The following TPR variants were observed in gnomAD, a reference collection of about 807,000 sequenced individuals.
TPR encodes translocated promoter region, nuclear basket protein.
In TPR, 51 loss-of-function variants were observed where a neutral mutation model predicts 316.1. The ratio of observed to expected loss-of-function variants is 0.16; its 90% CI spans 0.13 to 0.20. The LOEUF (loss-of-function observed/expected upper bound fraction) is 0.20, where lower values mean the gene tolerates loss of function less well. TPR is among the 10% of genes least tolerant of loss of function. The pLI, the probability that TPR is intolerant of heterozygous loss-of-function variation, is 1.00. For synonymous variants in TPR, 981 were observed against 914.7 expected, an observed-to-expected ratio of 1.07 and a Z score of -1.31; for missense variants, 2,272 against 2,754.8, an observed-to-expected ratio of 0.82 and a Z score of 3.92.
chr1:186,355,678 A>G lies in TPR; in HGVS notation c.1979T>C (p.Ile660Thr), dbSNP rs145363119. Residue 660 changes from isoleucine (I) to threonine (T), a missense_variant, in exon 16 of 51, where the codon ATT becomes ACT. This residue lies in a region of TPR where 757 missense variants were observed against 859.8 expected (regional missense o/e 0.88). Transcript: ENST00000367478. ...TVSTPAPVPV[I>T]ESTEAIEAKA... The stretch of plus-strand genomic sequence containing the variant: ...AGCCTCTATAGCCTCTGTTGATTCA[A>G]TAACAGGTACTGGAGCAGGAGTGGA... 1.8e-3 allele frequency: 2,892 copies of G among 1,614,138 alleles called. 19 individuals carry two copies. The highest frequency in any genetic ancestry group is 0.014 in the Middle Eastern group (84 of 6,060).
In TPR at chr1:186,326,320, T is replaced by C. The variant is rs578022709; in HGVS notation, c.5890-85A>G. On this transcript the variant is annotated intron_variant, in intron 40 of 50. Transcript: ENST00000367478. ...TGTCTAGATACCACACTTAGAAATT[T>C]AAGTGACTCATTAATCAGAAGATAG... 2.9e-4 allele frequency: 443 copies of C among 1,522,924 alleles called. 1 individual carries two copies. The South Asian group carries it at 5.2e-3, about 18-fold the overall frequency. The allele number at this position is 1,522,924 out of a possible 1,614,324, so 94.3% of individuals were successfully genotyped here.
chr1:186,351,198 A>G, intron 20 of TPR, 132 bp downstream of exon 20: 2 of 1,029,296 alleles, frequency 1.9e-6, no homozygotes, highest in Non-Finnish European at 2.7e-6. Flanking sequence ...CTGGGTATAG[A>G]GTGAGGCAAG....
At position 186,338,178 on chromosome 1, in the gene TPR, A is replaced by T. The variant is rs752980062; in HGVS notation, c.4217T>A (p.Val1406Glu). 2 of 1,612,934 alleles carry T rather than the reference A, an allele frequency of 1.2e-6. No individual in the cohort carries two copies. Among genetic ancestry groups the T allele is most frequent in the Admixed American group, 1.7e-5 (1 of 59,962 alleles). Residue 1406 changes from valine to glutamate, a missense_variant, in exon 31 of 51, where the codon GTA becomes GAA. Val to Glu is a moderately radical substitution (Grantham distance 121, BLOSUM62 -2). Coordinates refer to ENST00000367478, the MANE Select transcript of TPR (RefSeq NM_003292.3). ...IQSLKEDLNK[V>E]RTEKETIQKD... Reference sequence around the variant, plus strand: ...CTGGATGGTTTCCTTTTCAGTTCTTACTTTATTTAGATCTTCCTTCAGACT... The same window carrying T: ...CTGGATGGTTTCCTTTTCAGTTCTTTCTTTATTTAGATCTTCCTTCAGACT...
At position 186,343,477 on chromosome 1, in the gene TPR, CA is replaced by C; in HGVS notation, c.3603-5del. ...TTCTTTTTCTCGTCGTATAAATCTACAAAAATACAGATATTAAAATTTTATG... is the reference window on the plus strand; with the variant it reads ...TTCTTTTTCTCGTCGTATAAATCTACAAAATACAGATATTAAAATTTTATG... On this transcript the variant is annotated splice_region_variant and splice_polypyrimidine_tract_variant and intron_variant, in intron 26 of 50. Coordinates refer to ENST00000367478, the MANE Select transcript of TPR (RefSeq NM_003292.3). 6.2e-7 allele frequency: 1 copy of C among 1,606,456 alleles called. No individual in the cohort carries two copies. Among genetic ancestry groups the C allele is most frequent in the Non-Finnish European group, 8.5e-7 (1 of 1,177,916 alleles).
intron 49 of TPR, 89 bp from the exon 50 acceptor site, chr1:186,314,813 G>C (rs1405712344): frequency 2.7e-6 from 2 of 744,388 alleles, no homozygotes; most frequent in African/African-American, 3.6e-5. Flanking sequence ...ATGAATGAAT[G>C]AATAAGATGT....
Position 186,351,465 on chromosome 1 carries a change from T to C in TPR, c.2475A>G (p.Ile825Met). The C allele has an allele frequency of 6.3e-7, 1 of 1,593,928 alleles. No homozygotes were observed. The highest frequency in any genetic ancestry group is 1.4e-5 in the African/African-American group (1 of 73,866). Residue 825 changes from isoleucine to methionine, a missense_variant, in exon 20 of 51, where the codon ATA becomes ATG. Ile to Met is a conservative substitution (Grantham distance 10, BLOSUM62 1). This residue lies in a region of TPR where 757 missense variants were observed against 859.8 expected (regional missense o/e 0.88). Coordinates refer to ENST00000367478, the MANE Select transcript of TPR (RefSeq NM_003292.3). ...TGGTTTCTGTTTCAGATCGCTCCAG[T>C]ATTCCCTAAAGCAAAGAAAAGATTT... ...LLTNLQTIQG[I>M]LERSETETKQ...
chr1:186,355,245 G>A (rs976227263), intron 17 of TPR, among the ~76,000 whole-genome samples, 165 bp downstream of exon 17: 2 of 151,892 alleles, frequency 1.3e-5, no homozygotes, highest in Admixed American at 6.6e-5. Flanking sequence ...ACTGCCTAGA[G>A]AATCATTAAT....
intron 26 of TPR, 130 bp from the exon 27 acceptor site, chr1:186,343,603 T>C: frequency 1.2e-6 from 1 of 839,980 alleles, no homozygotes; most frequent in South Asian, 2.0e-5. Flanking sequence ...TAATAATAAA[T>C]AATAATGGGA....
intron 17 of TPR, 84 bp from the exon 18 acceptor site, chr1:186,353,934 C>G: frequency 3.1e-6 from 4 of 1,286,486 alleles, no homozygotes; most frequent in Non-Finnish European, 4.3e-6. Flanking sequence ...TAGCTTAACC[C>G]ATTTCCCCAA....
chr1:186,320,464 AT>A (rs1170726745), intron 45 of TPR, 46 bp from the exon 46 acceptor site: 1 of 1,521,238 alleles, frequency 6.6e-7, no homozygotes. Flanking sequence ...AAGTTAACCT[AT>A]TTAAACCACA....
intron 13 of TPR, 33 bp from the exon 14 acceptor site, chr1:186,357,656 G>A (rs755427615): frequency 6.4e-7 from 1 of 1,566,710 alleles, no homozygotes; most frequent in African/African-American, 1.4e-5. Context: ...TTATAAAATA[G>A]TATTAGTTAC....
chr1:186,356,241 A>G, intron 15 of TPR, 45 bp downstream of exon 15: 1 of 1,506,986 alleles, frequency 6.6e-7, no homozygotes, highest in Non-Finnish European at 8.9e-7. Flanking sequence ...ATCCCTTAAT[A>G]TACATTTCTA....
Position 186,335,224 on chromosome 1 carries a change from A to G in TPR, c.4912-95T>C, listed in dbSNP as rs1024187021. ...TGTCATTATTGTTAATTCTCTCCGC[A>G]TATATTGAATTTTAGCCAAAATTCA... On this transcript the variant is annotated intron_variant, in intron 34 of 50. Coordinates refer to ENST00000367478, the MANE Select transcript of TPR (RefSeq NM_003292.3). 1.1e-5 allele frequency: 17 copies of G among 1,546,742 alleles called. No individual in the cohort carries two copies. In the African/African-American group the frequency reaches 1.1e-4, roughly 10 times the overall value.
intron 49 of TPR, among the ~76,000 whole-genome samples, chr1:186,317,094 A>C (rs1416071652): frequency 6.6e-6 from 1 of 152,248 alleles, no homozygotes; most frequent in Admixed American, 6.5e-5. Context: ...GCTGTGGTTC[A>C]AACAGAGGCA....
chr1:186,357,676 C>T (rs1267392206), intron 13 of TPR, 53 bp from the exon 14 acceptor site: 1 of 1,502,574 alleles, frequency 6.7e-7, no homozygotes, highest in Non-Finnish European at 9.0e-7. Flanking sequence ...CAATTCTGGA[C>T]AAGTTTAGAA....
At chr1:186,345,078 C>T (rs1658635533) in intron 24 of TPR, among the ~76,000 whole-genome samples, 1 of 150,072 alleles carries the variant, frequency 6.7e-6, no homozygotes, top group South Asian at 2.1e-4. Flanking sequence ...TTATCATTTC[C>T]TGTTCATAAA....
chr1:186,346,767 A>T (rs933239914), intron 22 of TPR, among the ~76,000 whole-genome samples: 5 of 152,170 alleles, frequency 3.3e-5, no homozygotes, highest in Non-Finnish European at 5.9e-5. Context: ...ATGACATGTT[A>T]AAAAAATCAA....
rs756815547 is a variant in TPR, at chr1:186,337,000, C to T, written c.4506+13G>A. 2 of 1,613,428 alleles carry T rather than the reference C, an allele frequency of 1.2e-6. No homozygotes were observed. Among genetic ancestry groups the T allele is most frequent in the Non-Finnish European group, 1.7e-6 (2 of 1,179,680 alleles). ...AGGAAAGAATTAGGAACAGACTGTT[C>T]TCACACTCATACCTTCTGCAGATTC... is the stretch of plus-strand genomic sequence containing the variant. On this transcript the variant is annotated intron_variant, in intron 32 of 50. Coordinates refer to ENST00000367478, the MANE Select transcript of TPR (RefSeq NM_003292.3).
intron 45 of TPR, among the ~76,000 whole-genome samples, chr1:186,321,285 T>C (rs868758561): frequency 3.9e-5 from 6 of 152,294 alleles, no homozygotes; most frequent in Middle Eastern, 6.8e-3. Flanking sequence ...TACAGAACAA[T>C]CAACCTTTCC....
Sources: allele counts gnomAD v4.1 joint callset (sites outside exome capture counted in the v4.1 genomes callset), GRCh38; gene constraint gnomAD v4.1.1; regional missense constraint gnomAD v4.1.1; transcripts MANE v1.5; gene names NCBI Gene and HGNC (gene_info 2026-07-23, HGNC 2026-07-21).